GNAQ: variants seen among roughly 807,000 people sequenced by gnomAD.
GNAQ encodes the protein G protein subunit alpha q.
In GNAQ, 8 loss-of-function variants were observed where a neutral mutation model predicts 43.9. That is an observed-to-expected ratio of 0.18 (90% CI 0.11 to 0.33). GNAQ has a LOEUF of 0.33. Among genes scored for constraint, GNAQ ranks in the 10% least tolerant of loss-of-function variants. The probability of loss-of-function intolerance (pLI) is 1.00; values close to 1 mark genes in which losing one functional copy is unlikely to be tolerated. For missense variants in GNAQ, 158 were observed against 450.8 expected (o/e 0.35, Z 5.88); for synonymous variants, 155 against 170.7 (o/e 0.91, Z 0.71).
chr9:77,780,188 C>T (rs1232303412), intron 5 of GNAQ, among the ~76,000 whole-genome samples: 1 of 151,896 alleles, frequency 6.6e-6, no homozygotes, highest in African/African-American at 2.4e-5. Flanking sequence ...TTGTGAACTA[C>T]ATTAAAATAG....
intron 1 of GNAQ, among the ~76,000 whole-genome samples, chr9:78,001,194 T>TA (rs756848913): frequency 2.0e-5 from 3 of 151,964 alleles, no homozygotes; most frequent in East Asian, 1.9e-4. Context: ...GGTCAGGAGT[T>TA]AGAGACCAGC....
chr9:77,992,770 C>T (rs141067935), intron 1 of GNAQ, among the ~76,000 whole-genome samples: 1,748 of 152,100 alleles, frequency 0.011, 27 homozygotes, highest in African/African-American at 0.039. Flanking sequence ...CATGGCAAAA[C>T]CCCTTCTCTA....
intron 1 of GNAQ, chr9:78,030,541 G>C (rs1477856372): frequency 2.1e-6 from 1 of 470,820 alleles, no homozygotes; most frequent in South Asian, 1.6e-5. Context: ...ATCCAGCTGC[G>C]AGTCTGCCCA....
At chr9:77,892,773 A>AT (rs1564143109) in intron 2 of GNAQ, among the ~76,000 whole-genome samples, 1 of 152,348 alleles carries the variant, frequency 6.6e-6, no homozygotes, top group East Asian at 1.9e-4. Flanking sequence ...CTATGAGGAG[A>AT]TTAAAAACAC....
chr9:77,999,212 T>A (rs78042827), intron 1 of GNAQ, among the ~76,000 whole-genome samples: 5 of 151,088 alleles, frequency 3.3e-5, no homozygotes, highest in Admixed American at 1.3e-4. Flanking sequence ...TCTTCTAAAA[T>A]GCAAACAGAA....
At chr9:77,970,198 C>T (rs1823219286) in intron 1 of GNAQ, among the ~76,000 whole-genome samples, 1 of 150,290 alleles carries the variant, frequency 6.7e-6, no homozygotes, top group African/African-American at 2.5e-5. Flanking sequence ...CCAGCCTAGG[C>T]AACAGAGCAA....
At chr9:77,947,319 C>T (rs1393817454) in intron 1 of GNAQ, among the ~76,000 whole-genome samples, 2 of 152,170 alleles carry the variant, frequency 1.3e-5, no homozygotes, top group African/African-American at 4.8e-5. Context: ...CTGTACTTCC[C>T]AGGGGCACAG....
chr9:77,828,918 C>G (rs1412468686), intron 2 of GNAQ, among the ~76,000 whole-genome samples: 1 of 152,156 alleles, frequency 6.6e-6, no homozygotes, highest in Non-Finnish European at 1.5e-5. Flanking sequence ...TCAAACATGG[C>G]TAAAGTGAAA....
At position 77,908,458 on chromosome 9, in the gene GNAQ, TC is replaced by T. The variant is rs1284561214; in HGVS notation, c.321+13702del. The stretch of plus-strand genomic sequence containing the variant: ...ATTTCTTCTCAAATACTGTGCACTT[TC>T]CCCAAACAGATATACATTTCTCCTG... On this transcript the variant is annotated intron_variant, in intron 2 of 6. Coordinates refer to ENST00000286548, the MANE Select transcript of GNAQ (RefSeq NM_002072.5). Among the ~76,000 whole-genome samples, 12 of 152,292 alleles carry T rather than the reference TC, an allele frequency of 7.9e-5. No homozygotes were observed. In the East Asian group the frequency reaches 2.3e-3, roughly 29 times the overall value.
intron 2 of GNAQ, among the ~76,000 whole-genome samples, chr9:77,838,585 C>T (rs1827432571): frequency 1.3e-5 from 2 of 151,452 alleles, no homozygotes; most frequent in Admixed American, 6.6e-5. Context: ...AAATAGAACC[C>T]AAGTAGAAAT....
intron 2 of GNAQ, among the ~76,000 whole-genome samples, chr9:77,865,836 G>A (rs1016529813): frequency 1.3e-5 from 2 of 152,210 alleles, no homozygotes; most frequent in African/African-American, 4.8e-5. Flanking sequence ...GTAATACAGA[G>A]TTGGGTGAGG....
At chr9:77,997,567 G>A (rs997235433) in intron 1 of GNAQ, among the ~76,000 whole-genome samples, 1 of 152,122 alleles carries the variant, frequency 6.6e-6, no homozygotes, top group African/African-American at 2.4e-5. Context: ...TAAGTCAGGC[G>A]AGGTGATCAG....
At chr9:77,886,623 A>G (rs1044530415) in intron 2 of GNAQ, among the ~76,000 whole-genome samples, 7 of 152,214 alleles carry the variant, frequency 4.6e-5, no homozygotes, top group African/African-American at 1.4e-4. Context: ...TACAGTATTT[A>G]CAAGACAAAT....
At chr9:78,023,909 ATG>A (rs1288693561) in intron 1 of GNAQ, among the ~76,000 whole-genome samples, 1 of 123,542 alleles carries the variant, frequency 8.1e-6, no homozygotes, top group African/African-American at 2.7e-5. Context: ...TGGGTCAATT[ATG>A]TGTGTATAAA....
intron 1 of GNAQ, among the ~76,000 whole-genome samples, chr9:77,953,712 T>A (rs986987410): frequency 6.6e-6 from 1 of 152,208 alleles, no homozygotes; most frequent in East Asian, 1.9e-4. Context: ...TGTTAAGTAA[T>A]CCTCTTATGG....
chr9:77,973,040 C>T (rs1212288132), intron 1 of GNAQ, among the ~76,000 whole-genome samples: 1 of 149,318 alleles, frequency 6.7e-6, no homozygotes, highest in African/African-American at 2.5e-5. Context: ...CAAGACATAC[C>T]ACATTACTGG....
intron 2 of GNAQ, among the ~76,000 whole-genome samples, chr9:77,851,776 T>C (rs1024081192): frequency 6.6e-6 from 1 of 152,178 alleles, no homozygotes; most frequent in African/African-American, 2.4e-5. Context: ...GTTGCTTTAC[T>C]TCTGCCTGCT....
rs990194923 is a variant in GNAQ at position 78,002,723 on chromosome 9, A to C, written c.136+28377T>G. On this transcript the variant is annotated intron_variant, in intron 1 of 6. Coordinates refer to ENST00000286548, the MANE Select transcript of GNAQ (RefSeq NM_002072.5). ...GAACCCACAACTTATACAATATGATAGCATGAAGGAATACATGAAATTAGG... is the reference window on the plus strand; with the variant it reads ...GAACCCACAACTTATACAATATGATCGCATGAAGGAATACATGAAATTAGG... 1.5e-4 allele frequency among the ~76,000 whole-genome samples: 23 copies of C among 152,236 alleles called. 1 individual carries two copies. Among genetic ancestry groups the C allele is most frequent in the Non-Finnish European group, 5.9e-5 (4 of 68,036 alleles).
chr9:77,849,788 T>TC (rs1391463285), intron 2 of GNAQ, among the ~76,000 whole-genome samples: 1 of 152,130 alleles, frequency 6.6e-6, no homozygotes, highest in Non-Finnish European at 1.5e-5. Flanking sequence ...CACCTCAGCC[T>TC]CCTGAGTGGC....
Sources: gnomAD v4.1 joint callset for allele counts (sites outside exome capture counted in the v4.1 genomes callset) on GRCh38, gnomAD v4.1.1 for gene constraint, MANE v1.5 for transcripts, NCBI Gene and HGNC (gene_info 2026-07-23, HGNC 2026-07-21) for gene names.